NCEH1: variants seen among roughly 807,000 people sequenced by gnomAD.
NCEH1 encodes the protein neutral cholesterol ester hydrolase 1, also known as 2-acetyl MAGE hydrolase.
In NCEH1, 9 loss-of-function variants were observed where a neutral mutation model predicts 25.4. The observed-to-expected ratio is 0.35, with a 90% CI of 0.21 to 0.62. The LOEUF is 0.62. Among genes scored for constraint, NCEH1 ranks in the 20% least tolerant of loss-of-function variants. The probability of loss-of-function intolerance (pLI) is 0.72; values close to 1 mark genes in which losing one functional copy is unlikely to be tolerated. For missense variants in NCEH1, 412 were observed against 501.1 expected (o/e 0.82, Z 1.70); for synonymous variants, 200 against 199.8 (o/e 1.00, Z -0.01).
intron 3 of NCEH1, among the ~76,000 whole-genome samples, chr3:172,637,549 T>G (rs1716648980): frequency 6.6e-6 from 1 of 151,936 alleles, no homozygotes; most frequent in Non-Finnish European, 1.5e-5. Flanking sequence ...GATCAGGAAT[T>G]CAAGACCAGC....
intron 1 of NCEH1, among the ~76,000 whole-genome samples, chr3:172,707,794 G>C (rs1714090556): frequency 6.6e-6 from 1 of 152,146 alleles, no homozygotes; most frequent in Admixed American, 6.5e-5. Flanking sequence ...CACCGTATTA[G>C]CCAGGATGGT....
intron 1 of NCEH1, among the ~76,000 whole-genome samples, chr3:172,672,158 T>A (rs1341684240): frequency 6.6e-6 from 1 of 152,198 alleles, no homozygotes; most frequent in Non-Finnish European, 1.5e-5. Flanking sequence ...ATACTTACCA[T>A]TACATTGTAA....
At chr3:172,674,443 CAA>C (rs146923940) in intron 1 of NCEH1, among the ~76,000 whole-genome samples, 13,493 of 70,526 alleles carry the variant, frequency 0.19, 619 homozygotes, top group East Asian at 0.25. Context: ...ACTCTGTCTC[CAA>C]AAAAAAAAAA....
chr3:172,668,087 G>A (rs960369889), intron 1 of NCEH1, among the ~76,000 whole-genome samples: 2 of 152,116 alleles, frequency 1.3e-5, no homozygotes, highest in African/African-American at 4.8e-5. Context: ...ATTTAACTCA[G>A]GTATTTCACC....
intron 1 of NCEH1, among the ~76,000 whole-genome samples, chr3:172,687,511 A>G (rs372491408): frequency 2.0e-5 from 3 of 152,378 alleles, no homozygotes; most frequent in South Asian, 4.1e-4. Flanking sequence ...TACATGAAAC[A>G]TTAAATGAGC....
intron 1 of NCEH1, among the ~76,000 whole-genome samples, chr3:172,674,062 C>T (rs926118281): frequency 1.3e-5 from 2 of 152,190 alleles, no homozygotes; most frequent in African/African-American, 2.4e-5. Context: ...ACACAACCAG[C>T]AGAAGCCCAA....
chr3:172,681,660 C>T (rs532917397), intron 1 of NCEH1, among the ~76,000 whole-genome samples: 3 of 144,930 alleles, frequency 2.1e-5, no homozygotes, highest in East Asian at 4.1e-4. Flanking sequence ...GAGGCCAAGG[C>T]GGGAGCATCA....
chr3:172,698,166 G>A (rs186027342), intron 1 of NCEH1, among the ~76,000 whole-genome samples: 224 of 151,928 alleles, frequency 1.5e-3, no homozygotes, highest in African/African-American at 4.4e-3. Context: ...TAGTAGAGAT[G>A]GGGTTTCACC....
At chr3:172,639,692 A>C (rs1716761332) in intron 3 of NCEH1, among the ~76,000 whole-genome samples, 1 of 152,194 alleles carries the variant, frequency 6.6e-6, no homozygotes, top group South Asian at 2.1e-4. Flanking sequence ...CTTCAGGGAG[A>C]GGATGACTCT....
chr3:172,692,290 T>C (rs2108529738), intron 1 of NCEH1, among the ~76,000 whole-genome samples: 1 of 152,302 alleles, frequency 6.6e-6, no homozygotes, highest in South Asian at 2.1e-4. Context: ...AATCAAATTA[T>C]ATATTTGGCC....
In NCEH1 at chr3:172,631,197, G is replaced by C. The variant is rs1716331782; in HGVS notation, c.*2278C>G. ...TCATTTGCTGTCTGCAATTACTATA[G>C]GCTTTGGCTCACAATTCTGGGGAAA... On this transcript the variant is annotated 3_prime_UTR_variant, in exon 5 of 5. Coordinates refer to ENST00000475381, the MANE Select transcript of NCEH1 (RefSeq NM_020792.6). 6.6e-6 allele frequency: 1 copy of C among 152,096 alleles called. No individual in the cohort carries two copies. Among genetic ancestry groups the C allele is most frequent in the Non-Finnish European group, 1.5e-5 (1 of 68,008 alleles). The allele number at this position is 152,096 out of a possible 1,614,324, so 9.4% of individuals were successfully genotyped here.
chr3:172,701,448 C>T (rs1197616494), intron 1 of NCEH1, among the ~76,000 whole-genome samples: 1 of 65,514 alleles, frequency 1.5e-5, no homozygotes, highest in Non-Finnish European at 2.9e-5. Flanking sequence ...TGGTCTTTTG[C>T]CTTTTTTTTT....
intron 1 of NCEH1, among the ~76,000 whole-genome samples, chr3:172,695,122 C>T (rs190396979): frequency 7.4e-4 from 113 of 152,148 alleles, no homozygotes; most frequent in African/African-American, 2.6e-3. Context: ...AAGTCAAAGT[C>T]ATCTTTTCCA....
chr3:172,653,735 G>GTTTTTGTTT (rs780071347), intron 1 of NCEH1, among the ~76,000 whole-genome samples: 18,457 of 69,228 alleles, frequency 0.27, 1,590 homozygotes, highest in East Asian at 0.34. Context: ...TTGTTGTTCT[G>GTTTTTGTTT]TTTTTTTTGT....
intron 1 of NCEH1, among the ~76,000 whole-genome samples, chr3:172,706,180 CT>C (rs1713976215): frequency 6.6e-6 from 1 of 151,952 alleles, no homozygotes; most frequent in African/African-American, 2.4e-5. Context: ...TTAAAAAAAG[CT>C]TTAAAATAAT....
Position 172,711,014 on chromosome 3 carries a change from G to T in NCEH1, c.-30C>A. 6.2e-7 allele frequency: 1 copy of T among 1,613,840 alleles called. No homozygotes were observed. The highest frequency in any genetic ancestry group is 1.1e-5 in the South Asian group (1 of 91,078). ...CCCTGGCTCGGCTCGCCAGCGGGCT[G>T]GCAAAGAGGAAAGGGCGATACCACC... is the stretch of plus-strand genomic sequence containing the variant. On this transcript the variant is annotated 5_prime_UTR_variant, in exon 1 of 5. Transcript: ENST00000475381.
At position 172,633,608 on chromosome 3, in the gene NCEH1, C is replaced by A. The variant is rs372790417; in HGVS notation, c.1094G>T (p.Gly365Val). The change falls in exon 5 of 5, where the codon GGT becomes GTT. Residue 365 changes from glycine (G) to valine (V), a missense_variant. Around this residue, in one of 3 missense-constraint regions of NCEH1, gnomAD observed 210 missense variants for 258.2 expected, o/e 0.81. Coordinates refer to ENST00000475381, the MANE Select transcript of NCEH1 (RefSeq NM_020792.6). ...AAAGTGATCCAGGGTCACCTCCACA[C>A]CGGCACTCTCCAAACGCTTGGCATA... is the stretch of plus-strand genomic sequence containing the variant. Reference protein sequence around the residue: ...IMYAKRLESAGVEVTLDHFED... With the variant: ...IMYAKRLESAVVEVTLDHFED... The A allele has an allele frequency of 3.1e-6, 5 of 1,614,178 alleles. No homozygotes were observed. Among genetic ancestry groups the A allele is most frequent in the Non-Finnish European group, 4.2e-6 (5 of 1,180,028 alleles).
At chr3:172,710,638 C>T (rs889565256) in intron 1 of NCEH1, among the ~76,000 whole-genome samples, 13 of 152,228 alleles carry the variant, frequency 8.5e-5, no homozygotes, top group Non-Finnish European at 1.2e-4. Context: ...GTCACAAACG[C>T]AGACGGGGAA....
chr3:172,701,900 T>C (rs1410566775), intron 1 of NCEH1, among the ~76,000 whole-genome samples: 1 of 152,210 alleles, frequency 6.6e-6, no homozygotes, highest in East Asian at 1.9e-4. Flanking sequence ...CTTCCTCACC[T>C]GACTGGTGCT....
Sources: gnomAD v4.1 joint callset for allele counts (sites outside exome capture counted in the v4.1 genomes callset) on GRCh38, gnomAD v4.1.1 for gene constraint, gnomAD v4.1.1 regional missense constraint, MANE v1.5 for transcripts, NCBI Gene and HGNC (gene_info 2026-07-23, HGNC 2026-07-21) for gene names.